The following MYO19 variants were observed in gnomAD, a reference collection of about 807,000 sequenced individuals.
The protein encoded by MYO19 is unconventional myosin-XIX.
In MYO19, 132 loss-of-function variants were observed where a neutral mutation model predicts 129.2. The ratio of observed to expected loss-of-function variants is 1.02; its 90% CI spans 0.89 to 1.18. The LOEUF is 1.18. Among genes scored for constraint, MYO19 ranks in the 50% most tolerant of loss-of-function variants. The probability of loss-of-function intolerance (pLI) is 0.00; values close to 1 mark genes in which losing one functional copy is unlikely to be tolerated. For synonymous variants in MYO19, 531 were observed against 477.2 expected, an observed-to-expected ratio of 1.11 and a Z score of -1.47; for missense variants, 1,210 against 1,216.7, an observed-to-expected ratio of 0.99 and a Z score of 0.08.
At position 36,514,679 on chromosome 17, in the gene MYO19, C is replaced by T. The variant is rs114052074; in HGVS notation, c.618-131G>A. ...AGCTCTTCCACTTAGCCAATGGGCA[C>T]TGAGGGGTGGGGACCACTCAGAATG... On this transcript the variant is annotated intron_variant, in intron 8 of 25. Transcript: ENST00000614623. 8.4e-4 allele frequency: 555 copies of T among 659,612 alleles called. 2 individuals carry two copies. The highest frequency in any genetic ancestry group is 8.3e-3 in the African/African-American group (463 of 55,644). The allele number at this position is 659,612 out of a possible 1,614,324, so 40.9% of individuals were successfully genotyped here. A position where few individuals can be genotyped will look rare whatever the true frequency, so the allele number is the denominator to read the frequency against.
At chr17:36,542,158 C>T (rs534082384) in exon 2 of MYO19, 9 of 152,232 alleles carry the variant, frequency 5.9e-5, no homozygotes, top group East Asian at 3.9e-4. Context: ...TAAGTATGCC[C>T]GGTGGACCTA....
At chr17:36,539,119 T>C (rs1011020883), upstream of MYO19, 1 of 167,406 alleles carries the variant, frequency 6.0e-6, no homozygotes, top group African/African-American at 2.4e-5. Context: ...TTTGACTTGT[T>C]AGAATGTATT....
At chr17:36,520,684 TAAG>T (rs539882806) in intron 6 of MYO19, among the ~76,000 whole-genome samples, 560 of 152,356 alleles carry the variant, frequency 3.7e-3, no homozygotes, top group African/African-American at 0.013. Flanking sequence ...CACTTTCACT[TAAG>T]TAGTAAATAT....
intron 23 of MYO19, chr17:36,499,687 T>TTTTTC (rs2071364254): frequency 7.4e-6 from 1 of 134,278 alleles, no homozygotes; most frequent in Non-Finnish European, 1.6e-5. Flanking sequence ...TTTTTTTTTT[T>TTTTTC]TTTTTTGAGA....
intron 5 of MYO19, 21 bp downstream of exon 5, chr17:36,527,523 GAGGCCAC>G (rs751838896): frequency 1.2e-6 from 2 of 1,607,868 alleles, no homozygotes; most frequent in East Asian, 2.2e-5. Context: ...GAGGAGCCCT[GAGGCCAC>G]AGGCAGCGGC....
In MYO19 at chr17:36,519,076, T is replaced by G. The variant is rs1286713541; in HGVS notation, c.415-3086A>C. Among the ~76,000 whole-genome samples the G allele has an allele frequency of 2.0e-5, 3 of 152,156 alleles. No homozygotes were observed. The East Asian group carries it at 5.8e-4, about 29-fold the overall frequency. Reference sequence around the variant, plus strand: ...CGCTTGGCTAATTTTTGTATTTTTTTGTAGATATGGGTTTTCCCCACATTT... The same window carrying G: ...CGCTTGGCTAATTTTTGTATTTTTTGGTAGATATGGGTTTTCCCCACATTT... On this transcript the variant is annotated intron_variant, in intron 6 of 25. Transcript: ENST00000614623.
Position 36,506,557 on chromosome 17 carries a change from G to A in MYO19, c.1696C>T (p.Leu566=). The A allele has an allele frequency of 6.3e-7, 1 of 1,578,308 alleles. No homozygotes were observed. Among genetic ancestry groups the A allele is most frequent in the Non-Finnish European group, 8.6e-7 (1 of 1,166,426 alleles). Residue 566 remains leucine, a synonymous_variant, in exon 18 of 26, where the codon CTG becomes TTG. Transcript: ENST00000614623. Reference sequence around the variant, plus strand: ...TTAGTAGGAAACAGCCCCATGAGCAGGGGGTCCTGGGATTGCTGCAGGAGC... The same window carrying A: ...TTAGTAGGAAACAGCCCCATGAGCAAGGGGTCCTGGGATTGCTGCAGGAGC... ...TRLLQQSQDP[L]LMGLFPTNPK...
At chr17:36,512,208 C>CAT (rs2072387352) in intron 11 of MYO19, among the ~76,000 whole-genome samples, 1 of 130,346 alleles carries the variant, frequency 7.7e-6, no homozygotes, top group Admixed American at 7.3e-5. Flanking sequence ...CACACACACA[C>CAT]ACACACACAC....
intron 15 of MYO19, 44 bp downstream of exon 15, chr17:36,507,756 TGAG>T: frequency 6.5e-7 from 1 of 1,542,006 alleles, no homozygotes; most frequent in Non-Finnish European, 8.8e-7. Context: ...AGGAAGGGAT[TGAG>T]GATCCAAAAG....
At chr17:36,501,385 G>T in intron 21 of MYO19, 150 bp from the exon 22 acceptor site, 1 of 834,858 alleles carries the variant, frequency 1.2e-6, no homozygotes. Context: ...TTCTTTTGGA[G>T]GAAGCCACAA....
At chr17:36,520,549 T>C (rs2073070641) in intron 6 of MYO19, among the ~76,000 whole-genome samples, 1 of 152,060 alleles carries the variant, frequency 6.6e-6, no homozygotes, top group East Asian at 1.9e-4. Flanking sequence ...CTCTCCTGCC[T>C]CCCCTTCTAT....
At chr17:36,526,229 G>A (rs1424236807) in intron 5 of MYO19, among the ~76,000 whole-genome samples, 3 of 152,046 alleles carry the variant, frequency 2.0e-5, no homozygotes, top group Non-Finnish European at 4.4e-5. Flanking sequence ...GTAATTATTC[G>A]TCTAGTGGGT....
upstream of MYO19, chr17:36,537,825 A>G: frequency 5.6e-6 from 9 of 1,614,142 alleles, no homozygotes; most frequent in Non-Finnish European, 7.6e-6. Flanking sequence ...TTTCTTTACC[A>G]TAATAGTTGT....
chr17:36,527,260 G>A (rs978512204), intron 5 of MYO19, among the ~76,000 whole-genome samples: 1 of 151,890 alleles, frequency 6.6e-6, no homozygotes, highest in African/African-American at 2.4e-5. Context: ...ATCCTTTCCT[G>A]TTAATAAAAC....
chr17:36,522,878 C>T (rs964288343), intron 6 of MYO19, among the ~76,000 whole-genome samples: 85 of 151,704 alleles, frequency 5.6e-4, no homozygotes, highest in African/African-American at 2.0e-3. Context: ...TAGTGGCGGG[C>T]GCCTGTAGTC....
chr17:36,537,450 T>C (rs753862071), upstream of MYO19: 4 of 1,614,244 alleles, frequency 2.5e-6, no homozygotes, highest in South Asian at 3.3e-5. Context: ...TGAAAAATTC[T>C]TGAACATCAG....
At chr17:36,502,051 A>AG (rs2071568688) in intron 21 of MYO19, 1 of 153,120 alleles carries the variant, frequency 6.5e-6, no homozygotes, top group African/African-American at 2.4e-5. Flanking sequence ...ACTGCCCAGG[A>AG]GGGGAGGAAA....
intron 5 of MYO19, among the ~76,000 whole-genome samples, chr17:36,526,690 C>A (rs1360022436): frequency 6.6e-5 from 10 of 152,116 alleles, no homozygotes; most frequent in Admixed American, 6.6e-4. Context: ...AGTTCGAGAC[C>A]AGCCTGGCCA....
At chr17:36,527,787 T>C (rs117392945) in intron 4 of MYO19, 88 bp from the exon 5 acceptor site, 44,221 of 1,380,434 alleles carry the variant, frequency 0.032, 838 homozygotes, top group South Asian at 0.07. Flanking sequence ...AACAGCCCTC[T>C]TTCTGCAATT....
Sources: gnomAD v4.1 joint callset for allele counts (sites outside exome capture counted in the v4.1 genomes callset) on GRCh38, gnomAD v4.1.1 for gene constraint, MANE v1.5 for transcripts, NCBI Gene and HGNC (gene_info 2026-07-23, HGNC 2026-07-21) for gene names.